Variants in ANKFN1 observed in about 807,000 individuals in gnomAD.
ANKFN1 encodes the protein ankyrin repeat and fibronectin type III domain containing 1, also known as ankyrin repeat and fibronectin type-III domain-containing protein 1.
Under a neutral mutation model 108.7 loss-of-function variants are expected in ANKFN1, and 74 were observed. The observed-to-expected ratio is 0.68, with a 90% CI of 0.56 to 0.83. The LOEUF (loss-of-function observed/expected upper bound fraction) is 0.83. ANKFN1 is among the 40% of genes least tolerant of loss of function. ANKFN1 has a pLI of 0.00. For synonymous variants in ANKFN1, 547 were observed against 516.2 expected (o/e 1.06, Z -0.81); for missense variants, 1,505 against 1,382.3 (o/e 1.09, Z -1.41).
chr17:56,270,613 G>A (rs1488456848), intron 3 of ANKFN1, among the ~76,000 whole-genome samples: 1 of 152,102 alleles, frequency 6.6e-6, no homozygotes, highest in East Asian at 1.9e-4. Context: ...ATGGCTTCCT[G>A]GAGCACCTTA....
At chr17:56,409,099 A>G (rs1423597084) in intron 8 of ANKFN1, among the ~76,000 whole-genome samples, 4 of 150,142 alleles carry the variant, frequency 2.7e-5, no homozygotes, top group Non-Finnish European at 5.9e-5. Context: ...TAATTTTTGT[A>G]TTTTTAGTAA....
chr17:56,441,921 A>C (rs1238101308), intron 9 of ANKFN1, among the ~76,000 whole-genome samples: 1 of 152,130 alleles, frequency 6.6e-6, no homozygotes, highest in Non-Finnish European at 1.5e-5. Context: ...TTTTAACTTC[A>C]AACATCATTT....
chr17:56,515,890 G>A lies in ANKFN1; in HGVS notation c.*4621G>A, dbSNP rs570217945. Reference sequence around the variant, plus strand: ...CTTTGTTTAACAATTGGATAGGTGGGCTGTGAAAAATATTCTATTGTGATA... The same window carrying A: ...CTTTGTTTAACAATTGGATAGGTGGACTGTGAAAAATATTCTATTGTGATA... On this transcript the variant is annotated 3_prime_UTR_variant, in exon 21 of 21. Coordinates refer to ENST00000682825, the MANE Select transcript of ANKFN1 (RefSeq NM_001370326.1). Among the ~76,000 whole-genome samples, 5 of 152,268 alleles carry A rather than the reference G, an allele frequency of 3.3e-5. No homozygotes were observed. Among genetic ancestry groups the A allele is most frequent in the Non-Finnish European group, 7.4e-5 (5 of 68,012 alleles).
intron 3 of ANKFN1, among the ~76,000 whole-genome samples, chr17:56,243,295 C>T (rs1917723396): frequency 6.6e-6 from 1 of 152,096 alleles, no homozygotes; most frequent in Admixed American, 6.6e-5. Context: ...GTTGCCTCTA[C>T]TGAGGGCCTC....
At chr17:56,348,736 A>C (rs540390557) in intron 4 of ANKFN1, among the ~76,000 whole-genome samples, 1 of 152,176 alleles carries the variant, frequency 6.6e-6, no homozygotes, top group Non-Finnish European at 1.5e-5. Flanking sequence ...AAAGTCAAAA[A>C]ACAACAGATT....
At chr17:56,451,888 G>C (rs117527148) in intron 11 of ANKFN1, among the ~76,000 whole-genome samples, 3,902 of 152,214 alleles carry the variant, frequency 0.026, 79 homozygotes, top group Non-Finnish European at 0.035. Flanking sequence ...CCAAATATGG[G>C]AGTAATAATA....
chr17:56,133,997 C>T (rs1907446802), intron 4 of ANKFN1, among the ~76,000 whole-genome samples: 1 of 152,020 alleles, frequency 6.6e-6, no homozygotes, highest in Non-Finnish European at 1.5e-5. Flanking sequence ...ACTTTTGATG[C>T]CAATCGCAAG....
chr17:56,343,814 T>G (rs868523158), intron 4 of ANKFN1, among the ~76,000 whole-genome samples: 1 of 151,970 alleles, frequency 6.6e-6, no homozygotes, highest in Non-Finnish European at 1.5e-5. Context: ...TATCTTTATG[T>G]TTGCTGATTC....
rs539349341 is a variant in ANKFN1, at chr17:56,187,412, C to G, written c.-70-25186C>G. On this transcript the variant is annotated intron_variant, in intron 1 of 20. Coordinates refer to ENST00000682825, the MANE Select transcript of ANKFN1 (RefSeq NM_001370326.1). ...TACCATCTCATACCAGTTAGAATGGCGATCATTAAAAAGTCAGGAAACAAC... is the reference window on the plus strand; with the variant it reads ...TACCATCTCATACCAGTTAGAATGGGGATCATTAAAAAGTCAGGAAACAAC... 3.3e-5 allele frequency among the ~76,000 whole-genome samples: 5 copies of G among 152,120 alleles called. No homozygotes were observed. In the South Asian group the frequency reaches 6.2e-4, roughly 19 times the overall value.
intron 4 of ANKFN1, among the ~76,000 whole-genome samples, chr17:56,090,124 C>T (rs987827047): frequency 6.0e-5 from 9 of 151,046 alleles, no homozygotes; most frequent in African/African-American, 7.3e-5. Flanking sequence ...TTAAGCATGA[C>T]GAGGTGGGAG....
At chr17:56,128,529 C>G (rs9890259) in intron 4 of ANKFN1, among the ~76,000 whole-genome samples, 5,344 of 152,102 alleles carry the variant, frequency 0.035, 290 homozygotes, top group African/African-American at 0.12. Flanking sequence ...GGTTTTTAGC[C>G]CTGCAAGGCC....
chr17:56,146,147 A>C (rs538970357), intron 4 of ANKFN1, among the ~76,000 whole-genome samples: 3 of 152,228 alleles, frequency 2.0e-5, no homozygotes, highest in Admixed American at 6.5e-5. Context: ...CTTTGACTCC[A>C]TGTGTCACAT....
At chr17:56,145,526 CT>C in intron 4 of ANKFN1, among the ~76,000 whole-genome samples, 1 of 152,224 alleles carries the variant, frequency 6.6e-6, no homozygotes, top group South Asian at 2.1e-4. Context: ...GGAGAAGCCC[CT>C]GATAAAACCA....
intron 8 of ANKFN1, among the ~76,000 whole-genome samples, chr17:56,382,185 TA>T (rs1367055494): frequency 6.6e-6 from 1 of 152,124 alleles, no homozygotes; most frequent in East Asian, 1.9e-4. Flanking sequence ...TCAACATTCT[TA>T]AAGAAAAGAA....
At chr17:56,376,866 C>T (rs1158444859) in intron 8 of ANKFN1, among the ~76,000 whole-genome samples, 1 of 152,132 alleles carries the variant, frequency 6.6e-6, no homozygotes, top group Non-Finnish European at 1.5e-5. Flanking sequence ...AGTCCTTAAC[C>T]TGACCGTTCT....
intron 3 of ANKFN1, among the ~76,000 whole-genome samples, chr17:56,244,207 C>G (rs940674139): frequency 1.3e-5 from 2 of 152,008 alleles, no homozygotes; most frequent in African/African-American, 4.8e-5. Context: ...AAATATGTAT[C>G]AACATGTACT....
chr17:56,328,036 G>C (rs1202085662), intron 4 of ANKFN1, among the ~76,000 whole-genome samples: 1 of 152,074 alleles, frequency 6.6e-6, no homozygotes, highest in Non-Finnish European at 1.5e-5. Flanking sequence ...GCTGAGAAGT[G>C]ATGTTAAAAA....
At chr17:56,473,544 TC>T (rs2050394165) in intron 15 of ANKFN1, 1 of 149,670 alleles carries the variant, frequency 6.7e-6, no homozygotes, top group Non-Finnish European at 1.5e-5. Context: ...ACGCCTGTAA[TC>T]CCAGCTACTC....
At chr17:56,297,599 A>G (rs549750243) in intron 3 of ANKFN1, among the ~76,000 whole-genome samples, 2 of 152,340 alleles carry the variant, frequency 1.3e-5, no homozygotes, top group East Asian at 3.9e-4. Context: ...TAGCAACCTC[A>G]TGGGAGATGC....
Sources: gnomAD v4.1 joint callset for allele counts (sites outside exome capture counted in the v4.1 genomes callset) on GRCh38, gnomAD v4.1.1 for gene constraint, MANE v1.5 for transcripts, NCBI Gene and HGNC (gene_info 2026-07-23, HGNC 2026-07-21) for gene names.